The following SUZ12 variants were observed in gnomAD, a reference collection of about 807,000 sequenced individuals.
SUZ12 encodes the protein SUZ12 polycomb repressive complex 2 subunit.
A neutral mutation model predicts 87.3 loss-of-function variants in SUZ12; 17 were observed. The ratio of observed to expected loss-of-function variants is 0.19; its 90% confidence interval spans 0.13 to 0.29. The LOEUF is 0.29. Ranked by LOEUF, SUZ12 falls within the 10% of genes least tolerant of loss-of-function variation. The pLI, the probability that SUZ12 is intolerant of heterozygous loss-of-function variation, is 1.00. For synonymous variants in SUZ12, 253 were observed against 312.4 expected, an observed-to-expected ratio of 0.81 and a Z score of 2.01; for missense variants, 526 against 912.2, an observed-to-expected ratio of 0.58 and a Z score of 5.45.
intron 10 of SUZ12, among the ~76,000 whole-genome samples, chr17:31,989,831 G>A (rs907502831): frequency 9.4e-5 from 14 of 148,376 alleles, no homozygotes; most frequent in African/African-American, 1.7e-4. Flanking sequence ...GGATGGTCTC[G>A]ATCTCCTGAC....
At chr17:31,995,833 C>A in intron 14 of SUZ12, 71 bp downstream of exon 14, 16 of 1,123,258 alleles carry the variant, frequency 1.4e-5, no homozygotes, top group South Asian at 6.2e-5. Flanking sequence ...TTACTATGAA[C>A]TAGACTTTTA....
At chr17:31,991,693 C>G (rs1909729489) in intron 10 of SUZ12, among the ~76,000 whole-genome samples, 1 of 151,956 alleles carries the variant, frequency 6.6e-6, no homozygotes, top group African/African-American at 2.4e-5. Context: ...CACCCTCTGC[C>G]TCCCGGGTTC....
At chr17:31,981,760 A>C (rs1452517827) in intron 8 of SUZ12, among the ~76,000 whole-genome samples, 3 of 152,330 alleles carry the variant, frequency 2.0e-5, no homozygotes, top group East Asian at 1.9e-4. Flanking sequence ...CATTTGCTGG[A>C]TCTGGCTATT....
At position 31,995,501 on chromosome 17, in the gene SUZ12, A is replaced by G. The variant is rs183896562; in HGVS notation, c.1596-63A>G. 583 of 1,328,562 alleles carry G rather than the reference A, an allele frequency of 4.4e-4. 1 individual carries two copies. In the African/African-American group the frequency reaches 6.9e-3, roughly 16 times the overall value. 82.3% of individuals were successfully genotyped at this position (1,328,562 alleles called of 1,614,324 possible). A position where few individuals can be genotyped will look rare whatever the true frequency, so the allele number is the denominator to read the frequency against. On this transcript the variant is annotated intron_variant, in intron 13 of 15. Coordinates refer to ENST00000322652, the MANE Select transcript of SUZ12 (RefSeq NM_015355.4). Reference sequence around the variant, plus strand: ...CAGATTATCACAGATCTCAACTCCTAGTCGTGAGGTTAGATGGTATACATG... The same window carrying G: ...CAGATTATCACAGATCTCAACTCCTGGTCGTGAGGTTAGATGGTATACATG...
rs776595555 is a variant in SUZ12 at position 32,000,143 on chromosome 17, G to A, written c.*1140G>A. ...CAATAGGTTTTTATTCCAACTCCGA[G>A]CACTGTGGTTGAGTAACATCACCTC... On this transcript the variant is annotated 3_prime_UTR_variant, in exon 16 of 16. Coordinates refer to ENST00000322652, the MANE Select transcript of SUZ12 (RefSeq NM_015355.4). 4.3e-4 allele frequency: 100 copies of A among 233,202 alleles called. No individual in the cohort carries two copies. The highest frequency in any genetic ancestry group is 7.5e-4 in the Non-Finnish European group (88 of 117,906). The allele number at this position is 233,202 out of a possible 1,614,324, so 14.4% of individuals were successfully genotyped here. A position where few individuals can be genotyped will look rare whatever the true frequency, so the allele number is the denominator to read the frequency against.
intron 10 of SUZ12, among the ~76,000 whole-genome samples, chr17:31,989,414 A>G (rs1909587348): frequency 6.6e-6 from 1 of 152,182 alleles, no homozygotes; most frequent in African/African-American, 2.4e-5. Context: ...GTGATATGGT[A>G]CATAGTATAG....
chr17:31,976,858 T>G (rs1236908782), intron 8 of SUZ12, among the ~76,000 whole-genome samples: 2 of 152,212 alleles, frequency 1.3e-5, no homozygotes, highest in Non-Finnish European at 2.9e-5. Flanking sequence ...GAGTGTCTAC[T>G]CTTTGCCAGA....
rs1274811984 is a variant in SUZ12, at chr17:32,000,312, G to T, written c.*1309G>T. On this transcript the variant is annotated 3_prime_UTR_variant, in exon 16 of 16. Coordinates refer to ENST00000322652, the MANE Select transcript of SUZ12 (RefSeq NM_015355.4). ...AGTTCCCTATTTTGTTTAATGAAGGGATATATAAGCTTTCTAATGGTGTCT... is the reference window on the plus strand; with the variant it reads ...AGTTCCCTATTTTGTTTAATGAAGGTATATATAAGCTTTCTAATGGTGTCT... 2 of 232,696 alleles carry T rather than the reference G, an allele frequency of 8.6e-6. No homozygotes were observed. The highest frequency in any genetic ancestry group is 1.7e-5 in the Non-Finnish European group (2 of 117,780). The allele number at this position is 232,696 out of a possible 1,614,324, so 14.4% of individuals were successfully genotyped here.
chr17:31,942,374 T>C (rs1906352100), intron 3 of SUZ12, among the ~76,000 whole-genome samples: 2 of 151,390 alleles, frequency 1.3e-5, no homozygotes, highest in South Asian at 4.2e-4. Flanking sequence ...TCACTCTTGT[T>C]GCCCAGGCTG....
chr17:31,966,009 T>C (rs181502438), intron 4 of SUZ12, 138 bp from the exon 5 acceptor site: 16 of 706,144 alleles, frequency 2.3e-5, no homozygotes, highest in African/African-American at 3.6e-5. Flanking sequence ...CATAGAGTCA[T>C]GGGCCTGAAT....
chr17:31,961,325 T>A (rs573849286), intron 4 of SUZ12, among the ~76,000 whole-genome samples: 1 of 152,166 alleles, frequency 6.6e-6, no homozygotes, highest in Non-Finnish European at 1.5e-5. Flanking sequence ...GGTGGGTGGA[T>A]CACCTGAGGT....
chr17:31,946,957 G>A (rs1462639087), intron 3 of SUZ12, among the ~76,000 whole-genome samples: 1 of 152,118 alleles, frequency 6.6e-6, no homozygotes, highest in Non-Finnish European at 1.5e-5. Context: ...TTTTCATGAT[G>A]TCAACAACTG....
At chr17:31,974,774 G>A (rs986724340) in intron 6 of SUZ12, among the ~76,000 whole-genome samples, 1 of 152,098 alleles carries the variant, frequency 6.6e-6, no homozygotes, top group African/African-American at 2.4e-5. Context: ...TAGACTGTAT[G>A]TATTCTATTT....
chr17:31,961,500 C>T (rs1489412854), intron 4 of SUZ12, among the ~76,000 whole-genome samples: 3 of 152,132 alleles, frequency 2.0e-5, no homozygotes, highest in Admixed American at 1.3e-4. Context: ...GCTGAGATCG[C>T]ACCACTGCAC....
intron 4 of SUZ12, among the ~76,000 whole-genome samples, chr17:31,951,678 A>C (rs974161355): frequency 3.0e-4 from 45 of 150,992 alleles, no homozygotes; most frequent in African/African-American, 1.1e-3. Flanking sequence ...GGGTTTCACC[A>C]TGTTAGCCAG....
chr17:31,939,686 CT>C (rs1374714167), intron 1 of SUZ12, among the ~76,000 whole-genome samples: 1 of 152,062 alleles, frequency 6.6e-6, no homozygotes, highest in Non-Finnish European at 1.5e-5. Context: ...GCCCCTATGC[CT>C]GGCTGTTTTT....
At chr17:31,987,915 G>A (rs1017460701) in intron 9 of SUZ12, among the ~76,000 whole-genome samples, 4 of 151,746 alleles carry the variant, frequency 2.6e-5, no homozygotes, top group African/African-American at 7.3e-5. Flanking sequence ...CACTAGCCTG[G>A]GCGACAAGAG....
intron 9 of SUZ12, among the ~76,000 whole-genome samples, chr17:31,986,022 G>A (rs1167598020): frequency 4.0e-5 from 6 of 151,748 alleles, no homozygotes; most frequent in Non-Finnish European, 7.4e-5. Flanking sequence ...GAGGTGGAGT[G>A]CAATGGCGCG....
chr17:31,965,204 A>G (rs1908017324), intron 4 of SUZ12, among the ~76,000 whole-genome samples: 1 of 151,876 alleles, frequency 6.6e-6, no homozygotes, highest in African/African-American at 2.4e-5. Context: ...CAACTATTTC[A>G]TTAGTAAATG....
Sources: gnomAD v4.1 joint callset for allele counts (sites outside exome capture counted in the v4.1 genomes callset) on GRCh38, gnomAD v4.1.1 for gene constraint, MANE v1.5 for transcripts, NCBI Gene and HGNC (gene_info 2026-07-23, HGNC 2026-07-21) for gene names.